Variants in SHLD2 observed in about 807,000 individuals in gnomAD.
SHLD2 encodes RINN1-REV7-interacting novel NHEJ regulator 2.
SHLD2 carries 30 observed loss-of-function variants against 73.2 expected under a neutral mutation model. The observed-to-expected ratio is 0.41, with a 90% confidence interval of 0.31 to 0.56. The LOEUF (loss-of-function observed/expected upper bound fraction) is 0.56. SHLD2 is among the 20% of genes least tolerant of loss of function. The pLI is 0.28. For synonymous variants in SHLD2, 285 were observed against 370.1 expected (o/e 0.77, Z 2.64); for missense variants, 745 against 1,055.9 (o/e 0.71, Z 4.08).
chr10:87,115,049 T>C (rs1385221286), intron 2 of SHLD2, among the ~76,000 whole-genome samples: 1 of 151,874 alleles, frequency 6.6e-6, no homozygotes. Flanking sequence ...ATAAGTCATA[T>C]TTATTTATTT....
chr10:87,157,179 G>C (rs1846492844), intron 3 of SHLD2, among the ~76,000 whole-genome samples: 1 of 152,188 alleles, frequency 6.6e-6, no homozygotes, highest in African/African-American at 2.4e-5. Context: ...GGAGCCAATG[G>C]AATATCCAGG....
intron 2 of SHLD2, among the ~76,000 whole-genome samples, chr10:87,124,950 G>T (rs1466942517): frequency 1.3e-5 from 2 of 151,832 alleles, no homozygotes; most frequent in African/African-American, 4.8e-5. Context: ...CACTATGTTG[G>T]CAGGCTGGTC....
chr10:87,111,378 C>A (rs1330314411), intron 2 of SHLD2, among the ~76,000 whole-genome samples: 1 of 151,984 alleles, frequency 6.6e-6, no homozygotes, highest in Non-Finnish European at 1.5e-5. Flanking sequence ...ACAGTGCTCA[C>A]TCCTGTAATC....
intron 2 of SHLD2, among the ~76,000 whole-genome samples, chr10:87,142,067 G>T (rs1845238343): frequency 1.3e-5 from 2 of 150,202 alleles, no homozygotes; most frequent in South Asian, 4.2e-4. Context: ...TACCCCATAA[G>T]TACGTACAAT....
At chr10:87,144,938 T>A (rs1234723478) in intron 2 of SHLD2, among the ~76,000 whole-genome samples, 2 of 18,680 alleles carry the variant, frequency 1.1e-4, no homozygotes, top group Non-Finnish European at 2.0e-4. Context: ...CCTGTAATTC[T>A]TTTTTTTTTT....
intron 2 of SHLD2, among the ~76,000 whole-genome samples, chr10:87,149,559 C>T (rs1845866721): frequency 6.6e-6 from 1 of 151,706 alleles, no homozygotes; most frequent in South Asian, 2.1e-4. Context: ...CCCATCTCTA[C>T]TAAAAAAACT....
chr10:87,146,738 C>T (rs887377754), intron 2 of SHLD2, among the ~76,000 whole-genome samples: 1 of 151,842 alleles, frequency 6.6e-6, no homozygotes, highest in Non-Finnish European at 1.5e-5. Flanking sequence ...TAAGTGAAGG[C>T]ACACTGAAAT....
intron 2 of SHLD2, among the ~76,000 whole-genome samples, chr10:87,138,852 A>C (rs2134209344): frequency 6.6e-6 from 1 of 152,306 alleles, no homozygotes; most frequent in South Asian, 2.1e-4. Context: ...CCCTGAGAGA[A>C]GGGAAATAAC....
chr10:87,174,900 G>C (rs1034499147), intron 6 of SHLD2, among the ~76,000 whole-genome samples: 2 of 152,116 alleles, frequency 1.3e-5, no homozygotes, highest in African/African-American at 4.8e-5. Flanking sequence ...CGGATCATGA[G>C]GTCAGGAGAT....
At chr10:87,187,903 A>C (rs1670144524) in intron 9 of SHLD2, among the ~76,000 whole-genome samples, 1 of 152,174 alleles carries the variant, frequency 6.6e-6, no homozygotes, top group Admixed American at 6.5e-5. Context: ...AGTTGGATTC[A>C]GGTTTTGTTG....
intron 2 of SHLD2, among the ~76,000 whole-genome samples, chr10:87,121,780 T>A (rs1334549201): frequency 6.7e-6 from 1 of 148,926 alleles, no homozygotes; most frequent in Non-Finnish European, 1.5e-5. Flanking sequence ...TTTTTTTTTT[T>A]AATTGAGATA....
At position 87,151,444 on chromosome 10, in the gene SHLD2, G is replaced by A; in HGVS notation, c.90G>A (p.Met30Ile). ...ITVSEDTASL[M>I]SVADPWKKIQ... ...TATCAGAAGACACAGCTTCTTTAAT[G>A]TCTGTTGCTGACCCCTGGAAAAAAA... is the stretch of plus-strand genomic sequence containing the variant. The change falls in exon 3 of 10, where the codon ATG (methionine) becomes ATA (isoleucine). Residue 30 changes from methionine to isoleucine, a missense_variant. This residue lies in a region of SHLD2 where 280 missense variants were observed against 353.9 expected (regional missense o/e 0.79). Coordinates refer to ENST00000298786, the MANE Select transcript of SHLD2 (RefSeq NM_001330112.2). 1 of 1,609,758 alleles carries A rather than the reference G, an allele frequency of 6.2e-7. No homozygotes were observed. Among genetic ancestry groups the A allele is most frequent in the Admixed American group, 1.7e-5 (1 of 59,388 alleles).
chr10:87,133,752 T>C (rs1490218175), intron 2 of SHLD2, among the ~76,000 whole-genome samples: 4 of 152,214 alleles, frequency 2.6e-5, no homozygotes, highest in Non-Finnish European at 5.9e-5. Context: ...CACAGGTTCT[T>C]TTTTGGTAAG....
At chr10:87,182,702 C>T (rs1589668115) in intron 8 of SHLD2, among the ~76,000 whole-genome samples, 1 of 152,128 alleles carries the variant, frequency 6.6e-6, no homozygotes, top group East Asian at 1.9e-4. Flanking sequence ...TTAGGCAGCA[C>T]TAGGAAATGT....
chr10:87,143,882 G>C (rs201437850), intron 2 of SHLD2, among the ~76,000 whole-genome samples: 1 of 39,612 alleles, frequency 2.5e-5, no homozygotes, highest in African/African-American at 1.3e-4. Context: ...TTTTTTTTTT[G>C]TGACGGAGTC....
chr10:87,106,002 T>C (rs1214844936), intron 2 of SHLD2, among the ~76,000 whole-genome samples: 1 of 152,090 alleles, frequency 6.6e-6, no homozygotes, highest in Admixed American at 6.6e-5. Context: ...ATAATTGGTT[T>C]TGTTTGTTTG....
intron 2 of SHLD2, among the ~76,000 whole-genome samples, chr10:87,123,676 A>G (rs551271550): frequency 1.3e-5 from 2 of 152,158 alleles, no homozygotes; most frequent in African/African-American, 2.4e-5. Flanking sequence ...TGTAATTCCC[A>G]GTGTTTGAGG....
chr10:87,136,931 A>G (rs1415516471), intron 2 of SHLD2, among the ~76,000 whole-genome samples: 3 of 152,214 alleles, frequency 2.0e-5, no homozygotes, highest in Admixed American at 6.5e-5. Flanking sequence ...CAGCTGCATC[A>G]TAGCCCACAC....
At chr10:87,181,570 CTTTAG>C (rs1848317522) in intron 8 of SHLD2, among the ~76,000 whole-genome samples, 2 of 151,722 alleles carry the variant, frequency 1.3e-5, no homozygotes, top group African/African-American at 4.8e-5. Flanking sequence ...GCCTTTGAAT[CTTTAG>C]TTTACAAAAT....
Sources: gnomAD v4.1 joint callset for allele counts (sites outside exome capture counted in the v4.1 genomes callset) on GRCh38, gnomAD v4.1.1 for gene constraint, gnomAD v4.1.1 regional missense constraint, MANE v1.5 for transcripts, NCBI Gene and HGNC (gene_info 2026-07-23, HGNC 2026-07-21) for gene names.